Variants in CNOT1 observed in about 807,000 individuals in gnomAD.
CNOT1 encodes the protein CCR4-NOT transcription complex subunit 1.
A neutral mutation model predicts 273.8 loss-of-function variants in CNOT1; 15 were observed. The ratio of observed to expected loss-of-function variants is 0.05; its 90% confidence interval spans 0.04 to 0.08. The LOEUF is 0.08. Ranked by LOEUF, CNOT1 falls within the 10% of genes least tolerant of loss-of-function variation. The pLI is 1.00. For synonymous variants in CNOT1, 1,022 were observed against 1,005.5 expected, an observed-to-expected ratio of 1.02 and a Z score of -0.31; for missense variants, 1,644 against 2,912.2, an observed-to-expected ratio of 0.56 and a Z score of 10.02.
Position 58,555,949 on chromosome 16 carries a change from T to C in CNOT1, c.2480-41A>G, listed in dbSNP as rs761822294. 5.6e-6 allele frequency: 9 copies of C among 1,601,066 alleles called. No individual in the cohort carries two copies. The South Asian group carries it at 9.9e-5, about 18-fold the overall frequency. On this transcript the variant is annotated intron_variant, in intron 19 of 48. Coordinates refer to ENST00000317147, the MANE Select transcript of CNOT1 (RefSeq NM_016284.5). ...AAGGAATCAGTGGGCATTTAAGCCC[T>C]TCCTCCACTTCCCCATAAAACACAG...
chr16:58,616,424 A>G (rs11076251), intron 1 of CNOT1, among the ~76,000 whole-genome samples: 1 of 150,256 alleles, frequency 6.7e-6, no homozygotes, highest in Non-Finnish European at 1.5e-5. Context: ...CTTTGTTTTT[A>G]TTTTTTATTT....
intron 1 of CNOT1, among the ~76,000 whole-genome samples, chr16:58,624,988 C>A (rs1394750810): frequency 6.6e-6 from 1 of 151,834 alleles, no homozygotes; most frequent in East Asian, 1.9e-4. Flanking sequence ...TGGCTCACAT[C>A]TGTAATCACG....
rs58854069 is a variant in CNOT1, at chr16:58,529,840, C to CAAAA, written c.6279+402_6279+405dup. Among the ~76,000 whole-genome samples the CAAAA allele has an allele frequency of 9.5e-4, 66 of 69,384 alleles. 1 individual carries two copies. Among genetic ancestry groups the CAAAA allele is most frequent in the African/African-American group, 3.0e-3 (59 of 19,570 alleles). The allele number at this position is 69,384 out of a possible 152,430, so 45.5% of individuals were successfully genotyped here. A position where few individuals can be genotyped will look rare whatever the true frequency, so the allele number is the denominator to read the frequency against. On this transcript the variant is annotated intron_variant, in intron 43 of 48. Coordinates refer to ENST00000317147, the MANE Select transcript of CNOT1 (RefSeq NM_016284.5). ...TGGGTTTCAGAGTGAGACTCTGTCT[C>CAAAA]AAAAAAAAAAAAAAAAAAAAAAAAA...
At chr16:58,604,621 TAAA>T (rs869046701) in intron 1 of CNOT1, among the ~76,000 whole-genome samples, 33 of 120,838 alleles carry the variant, frequency 2.7e-4, no homozygotes, top group Middle Eastern at 4.7e-3. Context: ...ATCTCTGCTA[TAAA>T]AAAAAAAAAA....
chr16:58,597,037 A>T (rs1414303944), intron 2 of CNOT1, among the ~76,000 whole-genome samples: 2 of 152,024 alleles, frequency 1.3e-5, no homozygotes, highest in African/African-American at 4.8e-5. Context: ...AAAATCTTTA[A>T]ATCTTTTTCT....
rs749561563 is a variant in CNOT1 at position 58,586,712 on chromosome 16, A to T, written c.470T>A (p.Leu157Gln). ...QFIKQKLPDLLRSYIDADVSG... is the reference protein window; with the variant it reads ...QFIKQKLPDLQRSYIDADVSG... ...GACGTCTGCGTCAATGTAAGAACGCAGAAGATCTGGAAGCTTCTGTTTGAT... is the reference window on the plus strand; with the variant it reads ...GACGTCTGCGTCAATGTAAGAACGCTGAAGATCTGGAAGCTTCTGTTTGAT... The change falls in exon 7 of 49, where the codon CTG (leucine) becomes CAG (glutamine). Residue 157 changes from leucine (L) to glutamine (Q), a missense_variant. Transcript: ENST00000317147. 6.2e-7 allele frequency: 1 copy of T among 1,613,266 alleles called. No individual in the cohort carries two copies. Among genetic ancestry groups the T allele is most frequent in the Admixed American group, 1.7e-5 (1 of 59,998 alleles).
At chr16:58,579,584 A>G (rs1325366012) in intron 12 of CNOT1, among the ~76,000 whole-genome samples, 5 of 152,170 alleles carry the variant, frequency 3.3e-5, no homozygotes, top group Non-Finnish European at 5.9e-5. Flanking sequence ...GCTACCACCT[A>G]AGAAAAGAAC....
At chr16:58,602,859 T>C (rs543531473) in intron 1 of CNOT1, among the ~76,000 whole-genome samples, 7 of 152,234 alleles carry the variant, frequency 4.6e-5, no homozygotes, top group African/African-American at 1.7e-4. Context: ...TATAATATAA[T>C]CTCTACTTCA....
Position 58,547,120 on chromosome 16 carries a change from G to T in CNOT1, c.3750+66C>A. On this transcript the variant is annotated intron_variant, in intron 27 of 48. Coordinates refer to ENST00000317147, the MANE Select transcript of CNOT1 (RefSeq NM_016284.5). The surrounding 1 kb of genome is among the most constrained non-coding windows in gnomAD (Gnocchi z 4.0). ...ACAAGAACTAAGAATATAATCTCTT[G>T]ACCTCATGCTAAAACAAAGCAATGC... 1 of 1,562,292 alleles carries T rather than the reference G, an allele frequency of 6.4e-7. No individual in the cohort carries two copies. The highest frequency in any genetic ancestry group is 1.2e-5 in the South Asian group (1 of 82,190).
intron 11 of CNOT1, 63 bp downstream of exon 11, chr16:58,581,282 G>T: frequency 6.6e-7 from 1 of 1,506,362 alleles, no homozygotes; most frequent in Non-Finnish European, 8.9e-7. Flanking sequence ...TGGGTAGATG[G>T]CACTACATAA....
At chr16:58,534,424 A>G (rs774281715) in intron 39 of CNOT1, 29 bp from the exon 40 acceptor site, 5 of 1,608,014 alleles carry the variant, frequency 3.1e-6, no homozygotes, top group African/African-American at 1.3e-5. Flanking sequence ...ATAAAGACAC[A>G]ATGAGGTAAC....
intron 2 of CNOT1, chr16:58,597,643 T>C (rs2042311180): frequency 2.2e-6 from 1 of 457,204 alleles, no homozygotes; most frequent in Non-Finnish European, 4.3e-6. Context: ...AGAGATGCTA[T>C]GCCAAAGAGG....
rs758052508 is a variant in CNOT1 at position 58,627,920 on chromosome 16, C to T, written c.-175+1808G>A. ...TCGGCTCACTGCAACCTCCGCCTCC[C>T]GGGTTCAAGCAATTCTCCTGCCTCA... On this transcript the variant is annotated intron_variant, in intron 1 of 48. Transcript: ENST00000317147. Among the ~76,000 whole-genome samples, 6 of 152,290 alleles carry T rather than the reference C, an allele frequency of 3.9e-5. No individual in the cohort carries two copies. In the East Asian group the frequency reaches 7.7e-4, roughly 20 times the overall value.
chr16:58,599,459 A>C lies in CNOT1; in HGVS notation c.-122T>G. 1 of 1,198,002 alleles carries C rather than the reference A, an allele frequency of 8.3e-7. No homozygotes were observed. The highest frequency in any genetic ancestry group is 1.4e-5 in the South Asian group (1 of 69,626). 74.2% of individuals were successfully genotyped at this position (1,198,002 alleles called of 1,614,324 possible). A position where few individuals can be genotyped will look rare whatever the true frequency, so the allele number is the denominator to read the frequency against. On this transcript the variant is annotated 5_prime_UTR_variant, in exon 2 of 49. Coordinates refer to ENST00000317147, the MANE Select transcript of CNOT1 (RefSeq NM_016284.5). Reference sequence around the variant, plus strand: ...TTAGGCTATATCTGGTATCTGTATAATATCTTCAGTTCTTCTTTACCAGGG... The same window carrying C: ...TTAGGCTATATCTGGTATCTGTATACTATCTTCAGTTCTTCTTTACCAGGG...
chr16:58,585,267 G>T (rs965788436), intron 8 of CNOT1, 71 bp downstream of exon 8: 7 of 1,580,830 alleles, frequency 4.4e-6, no homozygotes, highest in African/African-American at 2.8e-5. Context: ...GAATTTTAGA[G>T]ACTTTTTTTA....
At chr16:58,603,408 A>AGTGTGTGTGTGTGTGTGTGTGT (rs200088613) in intron 1 of CNOT1, among the ~76,000 whole-genome samples, 1 of 96,652 alleles carries the variant, frequency 1.0e-5, no homozygotes, top group Admixed American at 1.1e-4. Flanking sequence ...ACAATTTAAA[A>AGTGTGTGTGTGTGTGTGTGTGT]GTGTGTGTGT....
At chr16:58,573,809 A>T (rs1386877432) in intron 16 of CNOT1, among the ~76,000 whole-genome samples, 1 of 152,024 alleles carries the variant, frequency 6.6e-6, no homozygotes, top group African/African-American at 2.4e-5. Context: ...ACTTTTTAGG[A>T]AAATTCAAGG....
In CNOT1 at chr16:58,534,071, A is replaced by AAAT. The variant is rs1365069174; in HGVS notation, c.5895+73_5895+75dup. 4.0e-6 allele frequency: 5 copies of AAAT among 1,255,054 alleles called. No individual in the cohort carries two copies. In the African/African-American group the frequency reaches 4.7e-5, roughly 12 times the overall value. 77.7% of individuals were successfully genotyped at this position (1,255,054 alleles called of 1,614,324 possible). A position where few individuals can be genotyped will look rare whatever the true frequency, so the allele number is the denominator to read the frequency against. Reference sequence around the variant, plus strand: ...GACTCTCTCAAAGAAACAATATAAAAAATAATAATAATAAATAAATAAATA... The same window carrying AAAT: ...GACTCTCTCAAAGAAACAATATAAAAAATAATAATAATAATAAATAAATAAATA... On this transcript the variant is annotated intron_variant, in intron 40 of 48. Coordinates refer to ENST00000317147, the MANE Select transcript of CNOT1 (RefSeq NM_016284.5).
At chr16:58,560,621 G>A (rs2040803101) in intron 16 of CNOT1, among the ~76,000 whole-genome samples, 1 of 152,164 alleles carries the variant, frequency 6.6e-6, no homozygotes, top group African/African-American at 2.4e-5. Flanking sequence ...GCTCATACCT[G>A]TAGTCTCACT....
Sources: gnomAD v4.1 joint callset for allele counts (sites outside exome capture counted in the v4.1 genomes callset) on GRCh38, gnomAD v4.1.1 for gene constraint, Gnocchi (gnomAD v3.1) non-coding constraint, MANE v1.5 for transcripts, NCBI Gene and HGNC (gene_info 2026-07-23, HGNC 2026-07-21) for gene names.